Variants in MGARP observed in about 807,000 individuals in gnomAD.
MGARP encodes the protein protein MGARP.
MGARP carries 12 observed loss-of-function variants against 11.0 expected under a neutral mutation model. The ratio of observed to expected loss-of-function variants is 1.09; its 90% CI spans 0.70 to 1.77. The LOEUF is 1.77. MGARP is among the 40% of genes most tolerant of loss of function. The pLI is 0.00. For missense variants in MGARP, 283 were observed against 297.8 expected, an observed-to-expected ratio of 0.95 and a Z score of 0.36; for synonymous variants, 110 against 115.4, an observed-to-expected ratio of 0.95 and a Z score of 0.30.
At chr4:139,275,659 G>A (rs528198681) in intron 1 of MGARP, among the ~76,000 whole-genome samples, 1 of 152,260 alleles carries the variant, frequency 6.6e-6, no homozygotes, top group East Asian at 1.9e-4. Context: ...TGGGTAAGGA[G>A]AAATGACAAA....
rs1050323964 is a variant in MGARP at position 139,272,339 on chromosome 4, G to A, written c.186+2950C>T. 9.2e-5 allele frequency among the ~76,000 whole-genome samples: 14 copies of A among 151,948 alleles called. 1 individual carries two copies. Among genetic ancestry groups the A allele is most frequent in the Admixed American group, 5.2e-4 (8 of 15,246 alleles). On this transcript the variant is annotated intron_variant, in intron 2 of 3. Transcript: ENST00000398955. ...TGGGAGGCCGAGGCAGGAAGATCAC[G>A]AGGTCAGGAGATCAAGACCATACTG...
At chr4:139,276,689 A>T (rs1388875810) in intron 1 of MGARP, among the ~76,000 whole-genome samples, 2 of 152,200 alleles carry the variant, frequency 1.3e-5, no homozygotes, top group South Asian at 4.2e-4. Context: ...CTACAAAAAA[A>T]TTTTATAATA....
intron 1 of MGARP, among the ~76,000 whole-genome samples, chr4:139,278,905 G>A (rs1057411401): frequency 2.0e-5 from 3 of 152,032 alleles, no homozygotes; most frequent in South Asian, 2.1e-4. Flanking sequence ...AAAATAAAGC[G>A]AGTTAGTTAG....
At chr4:139,272,896 C>G (rs1368550086) in intron 2 of MGARP, among the ~76,000 whole-genome samples, 1 of 151,858 alleles carries the variant, frequency 6.6e-6, no homozygotes. Context: ...ATTTCTTGAC[C>G]AGGCTGGTCT....
In MGARP at chr4:139,270,542, G is replaced by C. The variant is rs1579047237; in HGVS notation, c.187-1777C>G. 2.7e-5 allele frequency among the ~76,000 whole-genome samples: 4 copies of C among 148,502 alleles called. No individual in the cohort carries two copies. The East Asian group carries it at 8.0e-4, about 30-fold the overall frequency. On this transcript the variant is annotated intron_variant, in intron 2 of 3. Transcript: ENST00000398955. ...GAGAATGGCGTGAACCCAGGAGGTGGAGCTTGCAGTGAGCAGAGATCGTAC... is the reference window on the plus strand; with the variant it reads ...GAGAATGGCGTGAACCCAGGAGGTGCAGCTTGCAGTGAGCAGAGATCGTAC...
chr4:139,278,616 G>C (rs1013818508), intron 1 of MGARP, among the ~76,000 whole-genome samples: 1 of 152,136 alleles, frequency 6.6e-6, no homozygotes, highest in Non-Finnish European at 1.5e-5. Context: ...GTGCGTGCAC[G>C]CGCGCATGAT....
intron 1 of MGARP, among the ~76,000 whole-genome samples, chr4:139,277,853 T>G (rs1235489869): frequency 1.3e-5 from 2 of 152,222 alleles, no homozygotes; most frequent in Non-Finnish European, 2.9e-5. Context: ...GTGGTAGGAT[T>G]ACAGGTGAAT....
At position 139,280,166 on chromosome 4, in the gene MGARP, G is replaced by A. The variant is rs905493815; in HGVS notation, c.-8C>T. 1.2e-6 allele frequency: 2 copies of A among 1,604,320 alleles called. No individual in the cohort carries two copies. Among genetic ancestry groups the A allele is most frequent in the Non-Finnish European group, 1.7e-6 (2 of 1,176,972 alleles). Reference sequence around the variant, plus strand: ...CGCCCTGCGGAGATACATCGCGCCCGCTGTCCGCCGCGCAGCAGCCTCGGT... The same window carrying A: ...CGCCCTGCGGAGATACATCGCGCCCACTGTCCGCCGCGCAGCAGCCTCGGT... On this transcript the variant is annotated 5_prime_UTR_variant, in exon 1 of 4. Coordinates refer to ENST00000398955, the MANE Select transcript of MGARP (RefSeq NM_032623.4).
intron 1 of MGARP, among the ~76,000 whole-genome samples, chr4:139,278,503 A>G (rs796974253): frequency 2.6e-5 from 4 of 152,342 alleles, no homozygotes; most frequent in African/African-American, 9.6e-5. Context: ...ACGTATTTAA[A>G]ATTTTTAAAC....
At position 139,266,589 on chromosome 4, in the gene MGARP, C is replaced by A; in HGVS notation, c.*10G>T. ...TGGCATTTGTTGCTGAAATGTCTAC[C>A]GGCTGGAGATTAGCCTTGAGCCGAA... On this transcript the variant is annotated 3_prime_UTR_variant, in exon 4 of 4. Transcript: ENST00000398955. 1 of 1,606,586 alleles carries A rather than the reference C, an allele frequency of 6.2e-7. No homozygotes were observed. Among genetic ancestry groups the A allele is most frequent in the South Asian group, 1.1e-5 (1 of 90,740 alleles).
chr4:139,275,710 G>C (rs1219857191), intron 1 of MGARP, among the ~76,000 whole-genome samples: 1 of 152,150 alleles, frequency 6.6e-6, no homozygotes, highest in African/African-American at 2.4e-5. Context: ...GTGCACATTA[G>C]CAAGAGAAAG....
At position 139,275,504 on chromosome 4, in the gene MGARP, C is replaced by T. The variant is rs181075923; in HGVS notation, c.83-112G>A. 177 of 756,132 alleles carry T rather than the reference C, an allele frequency of 2.3e-4. No individual in the cohort carries two copies. The East Asian group carries it at 4.6e-3, about 20-fold the overall frequency. 46.8% of individuals were successfully genotyped at this position (756,132 alleles called of 1,614,324 possible). A position where few individuals can be genotyped will look rare whatever the true frequency, so the allele number is the denominator to read the frequency against. On this transcript the variant is annotated intron_variant, in intron 1 of 3. Coordinates refer to ENST00000398955, the MANE Select transcript of MGARP (RefSeq NM_032623.4). ...CAGTGAACCTAGAATCTATTAACAT[C>T]AAGTGATTTTAGCTTAAGGGAATAC...
chr4:139,270,298 C>CAA lies in MGARP; in HGVS notation c.187-1535_187-1534dup, dbSNP rs963066917. Among the ~76,000 whole-genome samples the CAA allele has an allele frequency of 3.6e-3, 239 of 66,468 alleles. 1 individual carries two copies. Among genetic ancestry groups the CAA allele is most frequent in the African/African-American group, 0.012 (226 of 19,434 alleles). 43.6% of individuals were successfully genotyped at this position (66,468 alleles called of 152,430 possible). ...CTGGGAAAGGAGGGAAACTCCGTCT[C>CAA]AAAAAAAAAAAAAAAAGAAAGAAAG... On this transcript the variant is annotated intron_variant, in intron 2 of 3. Coordinates refer to ENST00000398955, the MANE Select transcript of MGARP (RefSeq NM_032623.4).
intron 2 of MGARP, among the ~76,000 whole-genome samples, chr4:139,270,012 A>G (rs996164903): frequency 1.3e-5 from 2 of 152,078 alleles, no homozygotes; most frequent in Non-Finnish European, 2.9e-5. Flanking sequence ...GAATGTCTGT[A>G]ATGTCGGGGC....
chr4:139,266,835 C>T lies in MGARP; in HGVS notation c.487G>A (p.Ala163Thr). The T allele has an allele frequency of 6.2e-7, 1 of 1,614,170 alleles. No homozygotes were observed. Among genetic ancestry groups the T allele is most frequent in the Non-Finnish European group, 8.5e-7 (1 of 1,180,040 alleles). Residue 163 changes from alanine (A) to threonine (T), a missense_variant, in exon 4 of 4, where the codon GCA becomes ACA. Physicochemically the swap from Ala to Thr is moderately conservative, Grantham distance 58. Transcript: ENST00000398955. ...ACTTCCGTGGTTTCCCTCGCCGCTG[C>T]ATCTGTGACCTCTGGCCCGGTTTCA... ...SAETGPEVTD[A>T]AARETTEVNP...
At chr4:139,279,613 G>A (rs775415984) in intron 1 of MGARP, among the ~76,000 whole-genome samples, 2 of 152,110 alleles carry the variant, frequency 1.3e-5, no homozygotes, top group Non-Finnish European at 2.9e-5. Context: ...AGCGCTTGCC[G>A]GGCCCGCTCG....
intron 2 of MGARP, among the ~76,000 whole-genome samples, chr4:139,271,582 A>ATT (rs1744782102): frequency 6.6e-6 from 1 of 152,200 alleles, no homozygotes; most frequent in Non-Finnish European, 1.5e-5. Flanking sequence ...CTAATAGTCG[A>ATT]GGATTTTGAT....
At chr4:139,273,954 C>T (rs566137887) in intron 2 of MGARP, among the ~76,000 whole-genome samples, 1 of 152,192 alleles carries the variant, frequency 6.6e-6, no homozygotes, top group Non-Finnish European at 1.5e-5. Flanking sequence ...CTTTGTCTTA[C>T]AGGGTTTACC....
chr4:139,279,498 C>A (rs888700362), intron 1 of MGARP, among the ~76,000 whole-genome samples: 5 of 152,114 alleles, frequency 3.3e-5, no homozygotes, highest in South Asian at 2.1e-4. Flanking sequence ...CAGAGCCAGG[C>A]GCTCGCGGGG....
Sources: gnomAD v4.1 joint callset for allele counts (sites outside exome capture counted in the v4.1 genomes callset) on GRCh38, gnomAD v4.1.1 for gene constraint, MANE v1.5 for transcripts, NCBI Gene and HGNC (gene_info 2026-07-23, HGNC 2026-07-21) for gene names.